Variants in VSTM2L observed in about 807,000 individuals in gnomAD.
The protein encoded by VSTM2L is V-set and transmembrane domain containing 2 like, also known as V-set and transmembrane domain-containing protein 2-like protein.
In VSTM2L, 9 loss-of-function variants were observed where a neutral mutation model predicts 19.9. That is an observed-to-expected ratio of 0.45 (90% confidence interval 0.27 to 0.79). The LOEUF (loss-of-function observed/expected upper bound fraction) is 0.79. VSTM2L is among the 30% of genes least tolerant of loss of function. The pLI is 0.15. For missense variants in VSTM2L, 286 were observed against 295.5 expected (o/e 0.97, Z 0.24); for synonymous variants, 127 against 133.8 (o/e 0.95, Z 0.35).
At chr20:37,943,427 A>ATT (rs35126131) in intron 3 of VSTM2L, among the ~76,000 whole-genome samples, 8 of 127,002 alleles carry the variant, frequency 6.3e-5, no homozygotes, top group Non-Finnish European at 9.9e-5. Flanking sequence ...AGGCGCCTCT[A>ATT]TTTTTTTTTT....
At chr20:37,938,480 G>A (rs1053166772) in intron 3 of VSTM2L, among the ~76,000 whole-genome samples, 1 of 152,206 alleles carries the variant, frequency 6.6e-6, no homozygotes, top group Non-Finnish European at 1.5e-5. Context: ...AGGAGGCCAC[G>A]TGAAGGCAAG....
At chr20:37,919,960 T>C (rs2072841348) in intron 1 of VSTM2L, among the ~76,000 whole-genome samples, 1 of 152,190 alleles carries the variant, frequency 6.6e-6, no homozygotes, top group African/African-American at 2.4e-5. Flanking sequence ...GTGTACAGTG[T>C]CTGGCATAGA....
intron 1 of VSTM2L, among the ~76,000 whole-genome samples, chr20:37,926,060 C>CT (rs1036323657): frequency 2.6e-5 from 4 of 152,058 alleles, no homozygotes; most frequent in Non-Finnish European, 5.9e-5. Flanking sequence ...AGATTGAGCC[C>CT]TTTTTTTGTT....
chr20:37,903,996 T>G (rs1289299964), intron 1 of VSTM2L, among the ~76,000 whole-genome samples: 1 of 152,022 alleles, frequency 6.6e-6, no homozygotes, highest in African/African-American at 2.4e-5. Context: ...TGAACACAAT[T>G]TGCTCACCCA....
In VSTM2L at chr20:37,931,671, G is replaced by C. The variant is rs761821209; in HGVS notation, c.158G>C (p.Arg53Pro). ...GAGACACCCCATGACATGACAGCAC[G>C]GACGGGCGAGGACGTGGAGATGGCC... Reference protein sequence around the residue: ...FTETPHDMTARTGEDVEMACS... With the variant: ...FTETPHDMTAPTGEDVEMACS... The change falls in exon 2 of 4, where the codon CGG becomes CCG. Residue 53 changes from arginine to proline, a missense_variant. By Grantham distance (103) the Arg-to-Pro change is moderately radical. Coordinates refer to ENST00000373461, the MANE Select transcript of VSTM2L (RefSeq NM_080607.3). 14 of 1,613,312 alleles carry C rather than the reference G, an allele frequency of 8.7e-6. No homozygotes were observed. The highest frequency in any genetic ancestry group is 1.6e-4 in the Middle Eastern group (1 of 6,080).
At chr20:37,942,181 T>C (rs1200284865) in intron 3 of VSTM2L, among the ~76,000 whole-genome samples, 1 of 152,112 alleles carries the variant, frequency 6.6e-6, no homozygotes, top group East Asian at 1.9e-4. Flanking sequence ...TATACAGCAA[T>C]GAAAAAGAAC....
At chr20:37,930,886 C>T (rs533046105) in intron 1 of VSTM2L, among the ~76,000 whole-genome samples, 1 of 152,302 alleles carries the variant, frequency 6.6e-6, no homozygotes, top group South Asian at 2.1e-4. Context: ...CCCTGTCCTC[C>T]TGGAGCTGCC....
intron 2 of VSTM2L, among the ~76,000 whole-genome samples, 190 bp from the exon 3 acceptor site, chr20:37,933,349 C>T (rs922721552): frequency 1.3e-5 from 2 of 152,152 alleles, no homozygotes; most frequent in African/African-American, 4.8e-5. Context: ...CTGACCTCAC[C>T]TCCTCCCCTG....
rs550086067 is a variant in VSTM2L, at chr20:37,906,155, C to G, written c.121+2684C>G. Among the ~76,000 whole-genome samples the G allele has an allele frequency of 5.3e-5, 8 of 152,078 alleles. No individual in the cohort carries two copies. The East Asian group carries it at 1.6e-3, about 30-fold the overall frequency. On this transcript the variant is annotated intron_variant, in intron 1 of 3. Transcript: ENST00000373461. ...CAACTCCATCTGAGCCCAGCCCGGC[C>G]GCCGGGCTCCTGCCTTCCACCTGCC...
chr20:37,923,640 G>C (rs184939184), intron 1 of VSTM2L, among the ~76,000 whole-genome samples: 22 of 152,296 alleles, frequency 1.4e-4, no homozygotes, highest in East Asian at 5.8e-4. Flanking sequence ...GAGCAGGGAG[G>C]GGGGCTCAGG....
At chr20:37,940,097 AC>A (rs2072963424) in intron 3 of VSTM2L, among the ~76,000 whole-genome samples, 1 of 152,040 alleles carries the variant, frequency 6.6e-6, no homozygotes, top group South Asian at 2.1e-4. Context: ...TTGGATTATT[AC>A]TCCATTAGCG....
intron 3 of VSTM2L, among the ~76,000 whole-genome samples, chr20:37,934,312 C>T (rs535083161): frequency 6.6e-6 from 1 of 152,228 alleles, no homozygotes; most frequent in South Asian, 2.1e-4. Flanking sequence ...GAGAGGCAGA[C>T]AGGAGACAGG....
At chr20:37,930,744 T>C (rs928988486) in intron 1 of VSTM2L, among the ~76,000 whole-genome samples, 1 of 152,108 alleles carries the variant, frequency 6.6e-6, no homozygotes, top group South Asian at 2.1e-4. Context: ...AGCTGGGCTC[T>C]GCATGGGGCA....
chr20:37,940,196 A>T (rs966755468), intron 3 of VSTM2L, among the ~76,000 whole-genome samples: 1 of 152,240 alleles, frequency 6.6e-6, no homozygotes, highest in Non-Finnish European at 1.5e-5. Flanking sequence ...CATTTGCAAC[A>T]GCATCTCCTA....
At chr20:37,909,532 T>A (rs6021805) in intron 1 of VSTM2L, among the ~76,000 whole-genome samples, 41,920 of 152,110 alleles carry the variant, frequency 0.28, 8,054 homozygotes, top group African/African-American at 0.55. Flanking sequence ...CTTTGCTCAT[T>A]CCAAGTCAAT....
intron 1 of VSTM2L, among the ~76,000 whole-genome samples, chr20:37,905,695 C>T (rs1568832432): frequency 1.3e-5 from 2 of 152,192 alleles, no homozygotes; most frequent in African/African-American, 4.8e-5. Context: ...CTGCCTTCCC[C>T]CGACATTGCC....
At chr20:37,907,553 G>A (rs1416090588) in intron 1 of VSTM2L, among the ~76,000 whole-genome samples, 1 of 152,082 alleles carries the variant, frequency 6.6e-6, no homozygotes, top group Non-Finnish European at 1.5e-5. Flanking sequence ...GGTTTCACAG[G>A]GGAGGGAGAG....
chr20:37,914,355 GGGGTGTT>G (rs1568835206), intron 1 of VSTM2L, among the ~76,000 whole-genome samples: 49 of 2,990 alleles, frequency 0.016, no homozygotes, highest in South Asian at 0.036. Context: ...GCATGTGTGT[GGGGTGTT>G]TATATATGTG....
chr20:37,939,987 G>T (rs1444895824), intron 3 of VSTM2L, among the ~76,000 whole-genome samples: 1 of 152,132 alleles, frequency 6.6e-6, no homozygotes, highest in Non-Finnish European at 1.5e-5. Flanking sequence ...CTGGGGAGCC[G>T]TCCAGGCCTT....
Sources: allele counts gnomAD v4.1 joint callset (sites outside exome capture counted in the v4.1 genomes callset), GRCh38; gene constraint gnomAD v4.1.1; transcripts MANE v1.5; gene names NCBI Gene and HGNC (gene_info 2026-07-23, HGNC 2026-07-21).